LINGO2: variants seen among roughly 807,000 people sequenced by gnomAD.
The protein encoded by LINGO2 is leucine rich repeat and Ig domain containing 2.
In LINGO2, 14 loss-of-function variants were observed where a neutral mutation model predicts 30.6. The observed-to-expected ratio is 0.46, with a 90% CI of 0.30 to 0.72. The LOEUF (loss-of-function observed/expected upper bound fraction) is 0.72. LINGO2 is among the 30% of genes least tolerant of loss of function. The probability of loss-of-function intolerance (pLI) is 0.07; values close to 1 mark genes in which losing one functional copy is unlikely to be tolerated. For missense variants in LINGO2, 729 were observed against 751.7 expected (o/e 0.97, Z 0.35); for synonymous variants, 317 against 288.5 (o/e 1.10, Z -1.00).
chr9:28,281,179 A>T (rs1823310456), intron 4 of LINGO2, among the ~76,000 whole-genome samples: 1 of 152,110 alleles, frequency 6.6e-6, no homozygotes, highest in South Asian at 2.1e-4. Flanking sequence ...GTAGACCCCT[A>T]AAGCACACTG....
chr9:28,042,643 G>A (rs1824245086), intron 4 of LINGO2, among the ~76,000 whole-genome samples: 1 of 152,010 alleles, frequency 6.6e-6, no homozygotes, highest in Admixed American at 6.6e-5. Flanking sequence ...TGTGTCTTAT[G>A]GAAAAATTCA....
the LINGO2 span, among the ~76,000 whole-genome samples, chr9:28,961,074 G>A: frequency 6.6e-6 from 1 of 152,050 alleles, no homozygotes; most frequent in Non-Finnish European, 1.5e-5. Flanking sequence ...GATTTATTTG[G>A]CTAAGAAGCA....
At chr9:29,152,697 C>T in the LINGO2 span, among the ~76,000 whole-genome samples, 1 of 152,152 alleles carries the variant, frequency 6.6e-6, no homozygotes, top group Non-Finnish European at 1.5e-5. Flanking sequence ...ATACTATGCT[C>T]ACTACCTGGG....
the LINGO2 span, among the ~76,000 whole-genome samples, chr9:28,999,596 T>C: frequency 5.9e-3 from 892 of 152,154 alleles, 8 homozygotes; most frequent in African/African-American, 0.021. Flanking sequence ...CTTCAAACTT[T>C]GTCATTTCTA....
At chr9:28,668,490 T>C (rs1442092798) in intron 1 of LINGO2, among the ~76,000 whole-genome samples, 1 of 152,038 alleles carries the variant, frequency 6.6e-6, no homozygotes, top group African/African-American at 2.4e-5. Flanking sequence ...AAAATATTAA[T>C]TTTTAAATAA....
the LINGO2 span, among the ~76,000 whole-genome samples, chr9:29,089,542 A>T: frequency 6.6e-6 from 1 of 152,196 alleles, no homozygotes; most frequent in South Asian, 2.1e-4. Context: ...TCTTCAACCA[A>T]ATAAACTCCA....
chr9:28,836,760 G>A, the LINGO2 span, among the ~76,000 whole-genome samples: 2 of 152,160 alleles, frequency 1.3e-5, no homozygotes, highest in East Asian at 3.9e-4. Flanking sequence ...TTCATATTTA[G>A]TAACTACTTT....
At chr9:28,146,424 A>G (rs1327705642) in intron 4 of LINGO2, among the ~76,000 whole-genome samples, 1 of 152,212 alleles carries the variant, frequency 6.6e-6, no homozygotes, top group Non-Finnish European at 1.5e-5. Flanking sequence ...AGACAGAGAA[A>G]GTACAAATAT....
At chr9:28,143,718 G>A (rs1428947937) in intron 4 of LINGO2, among the ~76,000 whole-genome samples, 2 of 152,024 alleles carry the variant, frequency 1.3e-5, no homozygotes, top group Non-Finnish European at 2.9e-5. Context: ...AAGACCTGGT[G>A]ATGAAAATGA....
intron 2 of LINGO2, among the ~76,000 whole-genome samples, chr9:28,434,277 GA>G (rs557777576): frequency 1.4e-5 from 2 of 143,628 alleles, no homozygotes; most frequent in Non-Finnish European, 3.0e-5. Flanking sequence ...CACCACTGAA[GA>G]ACTTATCCAC....
chr9:28,440,202 A>G (rs1025844330), intron 2 of LINGO2, among the ~76,000 whole-genome samples: 2 of 152,252 alleles, frequency 1.3e-5, no homozygotes, highest in South Asian at 2.1e-4. Context: ...GAGTATGTGC[A>G]TTTTGTGAAT....
intron 4 of LINGO2, among the ~76,000 whole-genome samples, chr9:28,231,901 T>C (rs1821369462): frequency 6.6e-6 from 1 of 152,120 alleles, no homozygotes; most frequent in Non-Finnish European, 1.5e-5. Flanking sequence ...ATGCTTTATA[T>C]ATATATATTT....
chr9:28,330,069 A>G (rs13297561), intron 3 of LINGO2, among the ~76,000 whole-genome samples: 30,068 of 152,046 alleles, frequency 0.2, 3,441 homozygotes, highest in Non-Finnish European at 0.26. Context: ...AGGTCATGAG[A>G]ATGGCACCCT....
chr9:28,034,348 A>C (rs1823829464), intron 4 of LINGO2, among the ~76,000 whole-genome samples: 2 of 152,150 alleles, frequency 1.3e-5, no homozygotes, highest in South Asian at 4.1e-4. Context: ...CCCTCTTAGA[A>C]TGTTTCCCGA....
the LINGO2 span, among the ~76,000 whole-genome samples, chr9:28,808,195 A>T: frequency 6.6e-6 from 1 of 152,206 alleles, no homozygotes; most frequent in African/African-American, 2.4e-5. Context: ...CATCAATTAC[A>T]CATAATCTTG....
At chr9:28,707,748 G>T in the LINGO2 span, among the ~76,000 whole-genome samples, 2 of 151,988 alleles carry the variant, frequency 1.3e-5, no homozygotes, top group African/African-American at 4.8e-5. Flanking sequence ...GGCTGTATCA[G>T]TATTTATTGT....
intron 1 of LINGO2, among the ~76,000 whole-genome samples, chr9:28,528,409 C>T (rs558971071): frequency 6.6e-6 from 1 of 152,148 alleles, no homozygotes; most frequent in South Asian, 2.1e-4. Context: ...ATAACAAAAC[C>T]CTCAGCACCA....
chr9:28,408,517 A>T (rs1187346999), intron 2 of LINGO2, among the ~76,000 whole-genome samples: 1 of 151,808 alleles, frequency 6.6e-6, no homozygotes, highest in Non-Finnish European at 1.5e-5. Flanking sequence ...AACTATCGCA[A>T]GGACAAAAAA....
At chr9:28,511,218 A>G (rs1246298704) in intron 1 of LINGO2, among the ~76,000 whole-genome samples, 3 of 152,286 alleles carry the variant, frequency 2.0e-5, no homozygotes, top group African/African-American at 7.2e-5. Flanking sequence ...TATGTGCAGG[A>G]TAGGCAAACC....
Sources: allele counts gnomAD v4.1 joint callset (sites outside exome capture counted in the v4.1 genomes callset), GRCh38; gene constraint gnomAD v4.1.1; transcripts MANE v1.5; gene names NCBI Gene and HGNC (gene_info 2026-07-23, HGNC 2026-07-21).